OLA1: variants seen among roughly 807,000 people sequenced by gnomAD.
OLA1 encodes obg-like ATPase 1.
In OLA1, 14 loss-of-function variants were observed where a neutral mutation model predicts 48.4. The observed-to-expected ratio is 0.29, with a 90% CI of 0.19 to 0.45. OLA1 has a LOEUF of 0.45. Among genes scored for constraint, OLA1 ranks in the 20% least tolerant of loss-of-function variants. OLA1 has a pLI of 1.00. For missense variants in OLA1, 325 were observed against 467.1 expected, an observed-to-expected ratio of 0.70 and a Z score of 2.80; for synonymous variants, 127 against 150.4, an observed-to-expected ratio of 0.84 and a Z score of 1.14.
intron 7 of OLA1, among the ~76,000 whole-genome samples, chr2:174,108,142 TATA>T (rs1685557219): frequency 6.6e-6 from 1 of 151,108 alleles, no homozygotes; most frequent in Non-Finnish European, 1.5e-5. Context: ...AATAAAAGCG[TATA>T]ATATTTTAAA....
intron 1 of OLA1, chr2:174,247,875 C>T: frequency 7.3e-7 from 1 of 1,364,142 alleles, no homozygotes; most frequent in Non-Finnish European, 1.0e-6. Flanking sequence ...AGAATTACTC[C>T]CACCCTTGGA....
rs13429841 is a variant in OLA1 at position 174,163,406 on chromosome 2, T to C, written c.374-21406A>G. 5.9e-5 allele frequency among the ~76,000 whole-genome samples: 9 copies of C among 151,796 alleles called. No individual in the cohort carries two copies. The South Asian group carries it at 1.7e-3, about 28-fold the overall frequency. On this transcript the variant is annotated intron_variant, in intron 4 of 10. Coordinates refer to ENST00000284719, the MANE Select transcript of OLA1 (RefSeq NM_013341.5). ...CAATTTTATTAATTAAAAATAAATA[T>C]GCCGGGTGTGGTGGCTCACGCCTGT...
intron 5 of OLA1, among the ~76,000 whole-genome samples, chr2:174,135,643 G>C (rs1236956796): frequency 6.6e-6 from 1 of 152,204 alleles, no homozygotes; most frequent in Non-Finnish European, 1.5e-5. Flanking sequence ...CCACTAACTA[G>C]AGATTATGAG....
intron 4 of OLA1, among the ~76,000 whole-genome samples, chr2:174,205,219 A>G (rs999771063): frequency 3.9e-5 from 6 of 152,238 alleles, no homozygotes; most frequent in African/African-American, 1.2e-4. Flanking sequence ...ATTTCAATTT[A>G]GAGTTCTTTC....
At chr2:174,075,557 T>C (rs761462698) in intron 10 of OLA1, 30 bp from the exon 11 acceptor site, 1 of 1,374,332 alleles carries the variant, frequency 7.3e-7, no homozygotes, top group Non-Finnish European at 1.0e-6. Flanking sequence ...AGGAAATGGG[T>C]TATTAGTTTA....
At chr2:174,129,159 AAAT>A (rs1686116016) in intron 5 of OLA1, among the ~76,000 whole-genome samples, 1 of 152,166 alleles carries the variant, frequency 6.6e-6, no homozygotes, top group African/African-American at 2.4e-5. Flanking sequence ...AATACTCAAT[AAAT>A]AATAATATTT....
intron 5 of OLA1, among the ~76,000 whole-genome samples, chr2:174,131,020 A>G (rs559844441): frequency 3.3e-5 from 5 of 152,298 alleles, no homozygotes; most frequent in South Asian, 2.1e-4. Context: ...AAATAAATAC[A>G]TTCAGTATAA....
At chr2:174,204,054 A>G (rs1274416013) in intron 4 of OLA1, among the ~76,000 whole-genome samples, 1 of 151,310 alleles carries the variant, frequency 6.6e-6, no homozygotes, top group Non-Finnish European at 1.5e-5. Context: ...TGGCCTCCCA[A>G]AGTGCTGGGA....
At chr2:174,137,519 A>C (rs971827824) in intron 5 of OLA1, among the ~76,000 whole-genome samples, 8 of 152,336 alleles carry the variant, frequency 5.3e-5, no homozygotes, top group Non-Finnish European at 7.4e-5. Context: ...TTCTCAAGCA[A>C]TTAAAGTCCT....
chr2:174,186,816 C>A (rs1305377061), intron 4 of OLA1, among the ~76,000 whole-genome samples: 2 of 152,118 alleles, frequency 1.3e-5, no homozygotes, highest in Admixed American at 6.5e-5. Context: ...CCTGGAGAAA[C>A]TGGACAGCGG....
At chr2:174,102,895 T>C (rs747210388) in intron 7 of OLA1, among the ~76,000 whole-genome samples, 9 of 152,172 alleles carry the variant, frequency 5.9e-5, no homozygotes, top group South Asian at 2.1e-4. Context: ...TTGAGAGCTA[T>C]ACTTTTCAAA....
chr2:174,087,908 A>T (rs1685020562), intron 7 of OLA1, among the ~76,000 whole-genome samples: 1 of 152,202 alleles, frequency 6.6e-6, no homozygotes, highest in African/African-American at 2.4e-5. Context: ...ACATTCTCAA[A>T]TCTGATTTTT....
At chr2:174,088,467 T>C (rs184797586) in intron 7 of OLA1, among the ~76,000 whole-genome samples, 7 of 152,300 alleles carry the variant, frequency 4.6e-5, no homozygotes, top group Admixed American at 3.9e-4. Flanking sequence ...CCACAAACAA[T>C]ATACAAACTA....
In OLA1 at chr2:174,142,385, G is replaced by T. The variant is rs542517775; in HGVS notation, c.374-385C>A. On this transcript the variant is annotated intron_variant, in intron 4 of 10. Coordinates refer to ENST00000284719, the MANE Select transcript of OLA1 (RefSeq NM_013341.5). ...GGGAAACCAGATTTAGGGAGGGGGGGTCTGAAATCATCTGGCAGACCTCTT... is the reference window on the plus strand; with the variant it reads ...GGGAAACCAGATTTAGGGAGGGGGGTTCTGAAATCATCTGGCAGACCTCTT... 3.3e-5 allele frequency among the ~76,000 whole-genome samples: 5 copies of T among 152,278 alleles called. No individual in the cohort carries two copies. The East Asian group carries it at 5.8e-4, about 18-fold the overall frequency.
At chr2:174,096,833 C>T (rs1685267142) in intron 7 of OLA1, among the ~76,000 whole-genome samples, 1 of 152,056 alleles carries the variant, frequency 6.6e-6, no homozygotes, top group African/African-American at 2.4e-5. Flanking sequence ...TGTTATATTG[C>T]CTATGAATAA....
At chr2:174,224,041 T>A (rs1688563547) in intron 3 of OLA1, among the ~76,000 whole-genome samples, 1 of 152,232 alleles carries the variant, frequency 6.6e-6, no homozygotes, top group African/African-American at 2.4e-5. Flanking sequence ...TTTGTCAATT[T>A]TCAAGAGCAT....
chr2:174,145,614 G>C (rs575444807), intron 4 of OLA1, among the ~76,000 whole-genome samples: 2 of 152,150 alleles, frequency 1.3e-5, no homozygotes, highest in South Asian at 4.1e-4. Context: ...TAGTCTCAGA[G>C]CTTCTAAAGA....
At chr2:174,096,463 GCTAAT>G (rs1038105047) in intron 7 of OLA1, among the ~76,000 whole-genome samples, 48 of 152,262 alleles carry the variant, frequency 3.2e-4, no homozygotes, top group African/African-American at 1.0e-3. Flanking sequence ...TAAACTGAGA[GCTAAT>G]CTAAAGATTA....
At chr2:174,141,448 C>G (rs1042413405) in intron 5 of OLA1, among the ~76,000 whole-genome samples, 6 of 152,112 alleles carry the variant, frequency 3.9e-5, no homozygotes, top group Admixed American at 3.9e-4. Context: ...TTAGTCCACC[C>G]CTATGGAGAA....
Sources: allele counts gnomAD v4.1 joint callset (sites outside exome capture counted in the v4.1 genomes callset), GRCh38; gene constraint gnomAD v4.1.1; transcripts MANE v1.5; gene names NCBI Gene and HGNC (gene_info 2026-07-23, HGNC 2026-07-21).